PIK3C3: variants seen among roughly 807,000 people sequenced by gnomAD.
PIK3C3 encodes phosphatidylinositol 3-kinase catalytic subunit type 3, also known as PI3-kinase type 3.
Under a neutral mutation model 126.1 loss-of-function variants are expected in PIK3C3, and 95 were observed. That is an observed-to-expected ratio of 0.75 (90% CI 0.64 to 0.89). The LOEUF (loss-of-function observed/expected upper bound fraction) is 0.89, where lower values mean the gene tolerates loss of function less well. Ranked by LOEUF, PIK3C3 falls within the 40% of genes least tolerant of loss-of-function variation. PIK3C3 has a pLI of 0.00. For missense variants in PIK3C3, 829 were observed against 1,063.2 expected, an observed-to-expected ratio of 0.78 and a Z score of 3.06; for synonymous variants, 374 against 360.0, an observed-to-expected ratio of 1.04 and a Z score of -0.44.
chr18:42,070,463 G>T (rs535657737), intron 24 of PIK3C3: 1 of 152,100 alleles, frequency 6.6e-6, no homozygotes, highest in East Asian at 1.9e-4. Flanking sequence ...TTGCTTGCTG[G>T]ATCTAAAAAT....
intron 22 of PIK3C3, among the ~76,000 whole-genome samples, chr18:42,061,097 G>A (rs993317899): frequency 1.3e-5 from 2 of 152,232 alleles, no homozygotes; most frequent in East Asian, 3.8e-4. Flanking sequence ...TGTGACTAGA[G>A]TGTAGCACAA....
At chr18:41,978,556 T>C (rs533690663) in intron 4 of PIK3C3, among the ~76,000 whole-genome samples, 1 of 152,292 alleles carries the variant, frequency 6.6e-6, no homozygotes. Context: ...TGGATTAAAA[T>C]TTGAAAGGAA....
At chr18:41,992,083 A>G (rs1047152273) in intron 6 of PIK3C3, among the ~76,000 whole-genome samples, 2 of 152,190 alleles carry the variant, frequency 1.3e-5, no homozygotes, top group African/African-American at 4.8e-5. Flanking sequence ...ACAGAATAGA[A>G]ATTAGAAGAA....
chr18:41,993,425 A>G, intron 7 of PIK3C3, 84 bp downstream of exon 7: 1 of 836,558 alleles, frequency 1.2e-6, no homozygotes, highest in Non-Finnish European at 2.0e-6. Flanking sequence ...TTCTTTAAAC[A>G]AAGTAATATA....
intron 24 of PIK3C3, among the ~76,000 whole-genome samples, chr18:42,067,956 G>T (rs1423614954): frequency 6.6e-6 from 1 of 152,150 alleles, no homozygotes; most frequent in Admixed American, 6.6e-5. Flanking sequence ...ATAAGTGAGG[G>T]ATTACCCCTT....
intron 2 of PIK3C3, 47 bp from the exon 3 acceptor site, chr18:41,962,440 AAG>A (rs1263913700): frequency 8.0e-7 from 1 of 1,248,514 alleles, no homozygotes; most frequent in Non-Finnish European, 1.0e-6. Context: ...ATTTAAAAGA[AAG>A]ATATATATAT....
At chr18:41,962,669 C>T (rs754675468) in intron 3 of PIK3C3, 37 bp downstream of exon 3, 29 of 1,586,502 alleles carry the variant, frequency 1.8e-5, no homozygotes, top group Non-Finnish European at 2.3e-5. Context: ...AGGAGTGTAG[C>T]AGCTTTCTGA....
At chr18:42,030,860 T>G (rs916206893) in intron 15 of PIK3C3, among the ~76,000 whole-genome samples, 2 of 152,160 alleles carry the variant, frequency 1.3e-5, no homozygotes, top group Non-Finnish European at 2.9e-5. Flanking sequence ...CCAGGAGCTC[T>G]TCAATTTAGC....
chr18:41,988,839 G>C (rs1170592358), intron 5 of PIK3C3, among the ~76,000 whole-genome samples: 1 of 151,928 alleles, frequency 6.6e-6, no homozygotes, highest in Non-Finnish European at 1.5e-5. Flanking sequence ...TTTTATAATA[G>C]TCACATTTCA....
intron 22 of PIK3C3, among the ~76,000 whole-genome samples, chr18:42,061,927 T>A (rs535329766): frequency 6.6e-6 from 1 of 152,116 alleles, no homozygotes; most frequent in South Asian, 2.1e-4. Flanking sequence ...TTTTTTAACA[T>A]TGATCCTGGC....
chr18:41,957,392 A>C (rs537946291), intron 1 of PIK3C3, among the ~76,000 whole-genome samples, 178 bp from the exon 2 acceptor site: 1 of 152,354 alleles, frequency 6.6e-6, no homozygotes, highest in African/African-American at 2.4e-5. Context: ...AAATGACATT[A>C]ATTTCATATA....
At chr18:42,015,421 T>A in intron 11 of PIK3C3, 55 bp from the exon 12 acceptor site, 1 of 1,364,256 alleles carries the variant, frequency 7.3e-7, no homozygotes, top group Non-Finnish European at 1.0e-6. Context: ...AATTGTGCGT[T>A]CTCTTATGGA....
intron 13 of PIK3C3, chr18:42,026,252 G>T (rs1445444370): frequency 6.6e-6 from 1 of 152,174 alleles, no homozygotes; most frequent in Non-Finnish European, 1.5e-5. Flanking sequence ...CAAGCAAGTT[G>T]ATTGAGATTG....
chr18:41,988,997 G>A (rs570030805), intron 5 of PIK3C3, among the ~76,000 whole-genome samples: 43 of 151,900 alleles, frequency 2.8e-4, no homozygotes, highest in African/African-American at 8.9e-4. Flanking sequence ...CATTACCACC[G>A]CATTACTATT....
chr18:42,013,666 T>C (rs1982937074), intron 11 of PIK3C3, 70 bp downstream of exon 11: 1 of 1,214,052 alleles, frequency 8.2e-7, no homozygotes, highest in Admixed American at 2.2e-5. Context: ...TTTTCTCTTT[T>C]CCTTTCCTTA....
At chr18:41,973,086 T>C (rs1980747137) in intron 4 of PIK3C3, among the ~76,000 whole-genome samples, 1 of 152,104 alleles carries the variant, frequency 6.6e-6, no homozygotes, top group Admixed American at 6.5e-5. Flanking sequence ...TAATTGATTC[T>C]AAAAGTACTG....
At chr18:42,022,246 C>G (rs1437420919) in intron 13 of PIK3C3, among the ~76,000 whole-genome samples, 1 of 152,150 alleles carries the variant, frequency 6.6e-6, no homozygotes, top group Non-Finnish European at 1.5e-5. Context: ...CCCGGTAACT[C>G]ATCATTAACA....
chr18:42,076,143 TGCGCATATATATATATATGCAC>T (rs1986000479), intron 24 of PIK3C3, among the ~76,000 whole-genome samples: 1 of 66,772 alleles, frequency 1.5e-5, no homozygotes, highest in Non-Finnish European at 2.6e-5. Flanking sequence ...TATATATATA[TGCGCATATATATATATATGCAC>T]ATATATATAT....
At position 42,081,805 on chromosome 18, in the gene PIK3C3, A is replaced by T. The variant is rs946842357; in HGVS notation, c.*668A>T. 2.0e-5 allele frequency: 3 copies of T among 152,254 alleles called. No homozygotes were observed. The highest frequency in any genetic ancestry group is 2.9e-5 in the Non-Finnish European group (2 of 68,032). The allele number at this position is 152,254 out of a possible 1,614,324, so 9.4% of individuals were successfully genotyped here. On this transcript the variant is annotated 3_prime_UTR_variant, in exon 25 of 25. Transcript: ENST00000262039. The stretch of plus-strand genomic sequence containing the variant: ...AGCTTGTAAGTGTGTAAAGTAGAAT[A>T]TGAAAATGTGGCTATTTAGATAACT...
Sources: allele counts gnomAD v4.1 joint callset (sites outside exome capture counted in the v4.1 genomes callset), GRCh38; gene constraint gnomAD v4.1.1; transcripts MANE v1.5; gene names NCBI Gene and HGNC (gene_info 2026-07-23, HGNC 2026-07-21).